Variants in PIK3R1 observed in about 807,000 individuals in gnomAD.
PIK3R1 encodes the protein phosphatidylinositol 3-kinase regulatory subunit alpha.
In PIK3R1, 29 loss-of-function variants were observed where a neutral mutation model predicts 98.0. The observed-to-expected ratio is 0.30, with a 90% CI of 0.22 to 0.40. The LOEUF (loss-of-function observed/expected upper bound fraction) is 0.40, where lower values mean the gene tolerates loss of function less well. Ranked by LOEUF, PIK3R1 falls within the 10% of genes least tolerant of loss-of-function variation. The probability of loss-of-function intolerance (pLI) is 1.00; values close to 1 mark genes in which losing one functional copy is unlikely to be tolerated. For synonymous variants in PIK3R1, 282 were observed against 311.8 expected (o/e 0.90, Z 1.01); for missense variants, 596 against 872.7 (o/e 0.68, Z 3.99).
At chr5:68,296,054 T>C (rs945400241) in intron 14 of PIK3R1, 117 bp from the exon 15 acceptor site, 2 of 960,408 alleles carry the variant, frequency 2.1e-6, no homozygotes, top group African/African-American at 1.6e-5. Flanking sequence ...ATGGCCAGTC[T>C]GACTGGCTTG....
rs1744279612 is a variant in PIK3R1 at position 68,226,497 on chromosome 5, G to C, written c.-179G>C. On this transcript the variant is annotated 5_prime_UTR_variant, in exon 2 of 16. It removes an upstream start codon present in the reference 5' UTR. Transcript: ENST00000521381. ...GTCACACCATTGATGGAGGACAGAT[G>C]GACAGCCGTATGGCCAGTCACCTCT... is the stretch of plus-strand genomic sequence containing the variant. 3 of 574,732 alleles carry C rather than the reference G, an allele frequency of 5.2e-6. No homozygotes were observed. The African/African-American group carries it at 5.6e-5, about 11-fold the overall frequency. 35.6% of individuals were successfully genotyped at this position (574,732 alleles called of 1,614,324 possible).
At chr5:68,262,684 T>C (rs1256264985) in intron 2 of PIK3R1, among the ~76,000 whole-genome samples, 1 of 41,154 alleles carries the variant, frequency 2.4e-5, no homozygotes, top group African/African-American at 1.2e-4. Context: ...TACATGTATC[T>C]GCATGTATAC....
chr5:68,270,317 G>A (rs1746297012), intron 2 of PIK3R1, among the ~76,000 whole-genome samples: 1 of 152,078 alleles, frequency 6.6e-6, no homozygotes, highest in African/African-American at 2.4e-5. Context: ...GCTTAATGAA[G>A]AAAGAGCTGG....
chr5:68,267,018 A>G (rs188505985), intron 2 of PIK3R1, among the ~76,000 whole-genome samples: 83 of 152,314 alleles, frequency 5.4e-4, no homozygotes, highest in African/African-American at 1.9e-3. Flanking sequence ...GCACACCGAA[A>G]GACCAACTTT....
rs1216135498 is a variant in PIK3R1 at position 68,301,655 on chromosome 5, A to G, written c.*4054A>G. On this transcript the variant is annotated 3_prime_UTR_variant, in exon 16 of 16. Transcript: ENST00000521381. ...TGACGAGAGGGAGGATGTCACGGTC[A>G]GTTGTAACTTTGCCTTCACAAGGCA... 7.7e-6 allele frequency: 1 copy of G among 129,108 alleles called. No individual in the cohort carries two copies. Among genetic ancestry groups the G allele is most frequent in the Non-Finnish European group, 1.5e-5 (1 of 66,034 alleles). 8.0% of individuals were successfully genotyped at this position (129,108 alleles called of 1,614,324 possible).
intron 4 of PIK3R1, among the ~76,000 whole-genome samples, chr5:68,275,523 A>T (rs1262326496): frequency 2.5e-5 from 2 of 80,506 alleles, no homozygotes; most frequent in African/African-American, 1.1e-4. Flanking sequence ...AGTTATTTAA[A>T]AAAAAAAAAA....
At position 68,280,978 on chromosome 5, in the gene PIK3R1, T is replaced by G. The variant is rs1420907388; in HGVS notation, c.888T>G (p.Thr296=). Residue 296 remains threonine, a synonymous_variant, in exon 7 of 16, where the codon ACT becomes ACG. Coordinates refer to ENST00000521381, the MANE Select transcript of PIK3R1 (RefSeq NM_181523.3). ...LIKVIEILIS[T]EWNERQPAPA... is the part of the protein sequence containing the mutation. ...AAGTTATAGAAATTTTAATCTCAAC[T>G]GAATGGAATGAACGACAGCCTGCAC... The G allele has an allele frequency of 1.7e-5, 27 of 1,606,140 alleles. 1 individual carries two copies. The Admixed American group carries it at 4.2e-4, about 25-fold the overall frequency.
chr5:68,223,213 C>T (rs1370809893), intron 1 of PIK3R1, among the ~76,000 whole-genome samples: 1 of 151,898 alleles, frequency 6.6e-6, no homozygotes, highest in African/African-American at 2.4e-5. Flanking sequence ...CCCATTCAGT[C>T]CTCAAGAATG....
chr5:68,291,925 C>G (rs954717100), intron 7 of PIK3R1: 1 of 178,334 alleles, frequency 5.6e-6, no homozygotes, highest in African/African-American at 2.4e-5. Context: ...TGGATTTGAC[C>G]AGGCATGAAA....
intron 7 of PIK3R1, chr5:68,288,567 G>C: frequency 1.3e-6 from 2 of 1,516,178 alleles, no homozygotes; most frequent in Non-Finnish European, 8.8e-7. Flanking sequence ...GGAGGGTCCT[G>C]GCGGCGCCCC....
intron 2 of PIK3R1, among the ~76,000 whole-genome samples, chr5:68,235,345 G>C (rs1744624540): frequency 6.6e-6 from 1 of 152,172 alleles, no homozygotes; most frequent in South Asian, 2.1e-4. Flanking sequence ...AGAGGTTGCA[G>C]TGAGCCGAGA....
intron 12 of PIK3R1, 77 bp from the exon 13 acceptor site, chr5:68,295,071 A>AGTG: frequency 8.1e-7 from 1 of 1,229,734 alleles, no homozygotes. Flanking sequence ...GGGAAACCAT[A>AGTG]GTGAAACTTT....
chr5:68,280,577 G>A lies in PIK3R1; in HGVS notation c.684G>A (p.Arg228=), dbSNP rs2112195026. 1 of 1,612,874 alleles carries A rather than the reference G, an allele frequency of 6.2e-7. No individual in the cohort carries two copies. The highest frequency in any genetic ancestry group is 8.5e-7 in the Non-Finnish European group (1 of 1,179,430). The change falls in exon 6 of 16, where the codon AGG becomes AGA. Residue 228 remains arginine, a synonymous_variant. Coordinates refer to ENST00000521381, the MANE Select transcript of PIK3R1 (RefSeq NM_181523.3). The part of the protein sequence containing the change: ...EYIQLLKKLI[R]SPSIPHQYWL... ...TTCAGCTATTGAAGAAGCTTATTAG[G>A]TCGCCTAGCATACCTCATCAGTATT... is the stretch of plus-strand genomic sequence containing the variant.
At chr5:68,250,864 T>C (rs1232228686) in intron 2 of PIK3R1, among the ~76,000 whole-genome samples, 1 of 152,220 alleles carries the variant, frequency 6.6e-6, no homozygotes, top group Non-Finnish European at 1.5e-5. Flanking sequence ...CTCTTGGAGT[T>C]CTTTAGATTA....
At chr5:68,277,921 C>A (rs896108953) in intron 4 of PIK3R1, among the ~76,000 whole-genome samples, 2 of 152,190 alleles carry the variant, frequency 1.3e-5, no homozygotes, top group Non-Finnish European at 2.9e-5. Context: ...AACGTAGTAT[C>A]TTGCCCATCA....
intron 7 of PIK3R1, among the ~76,000 whole-genome samples, chr5:68,281,695 C>T (rs1281657255): frequency 6.6e-6 from 1 of 152,172 alleles, no homozygotes; most frequent in African/African-American, 2.4e-5. Context: ...AATTAGGGTA[C>T]TATACGTGTG....
In PIK3R1 at chr5:68,292,332, T is replaced by C. The variant is rs913618335; in HGVS notation, c.990T>C (p.Asp330=). The change falls in exon 8 of 16, where the codon GAT becomes GAC. Residue 330 remains aspartate (D), a synonymous_variant. Coordinates refer to ENST00000521381, the MANE Select transcript of PIK3R1 (RefSeq NM_181523.3). The part of the protein sequence containing the change: ...NGMNNNMSLQ[D]AEWYWGDISR... Reference sequence around the variant, plus strand: ...TGAATAACAATATGTCCTTACAAGATGCTGAATGGTACTGGGGAGATATCT... The same window carrying C: ...TGAATAACAATATGTCCTTACAAGACGCTGAATGGTACTGGGGAGATATCT... 1 of 1,611,966 alleles carries C rather than the reference T, an allele frequency of 6.2e-7. No homozygotes were observed. Among genetic ancestry groups the C allele is most frequent in the Non-Finnish European group, 8.5e-7 (1 of 1,178,172 alleles).
At chr5:68,283,553 G>T (rs1301476526) in intron 7 of PIK3R1, among the ~76,000 whole-genome samples, 1 of 152,214 alleles carries the variant, frequency 6.6e-6, no homozygotes, top group African/African-American at 2.4e-5. Context: ...GCATTTTGAT[G>T]CATGGAGTTT....
chr5:68,234,992 C>A (rs1459876483), intron 2 of PIK3R1, among the ~76,000 whole-genome samples: 8 of 152,144 alleles, frequency 5.3e-5, no homozygotes, highest in Admixed American at 3.3e-4. Flanking sequence ...ATGCAGTTTT[C>A]AGAACTACTC....
Sources: gnomAD v4.1 joint callset for allele counts (sites outside exome capture counted in the v4.1 genomes callset) on GRCh38, gnomAD v4.1.1 for gene constraint, MANE v1.5 for transcripts, NCBI Gene and HGNC (gene_info 2026-07-23, HGNC 2026-07-21) for gene names.